NMD3: variants seen among roughly 807,000 people sequenced by gnomAD.
The protein encoded by NMD3 is NMD3 ribosome export adaptor.
In NMD3, 47 loss-of-function variants were observed where a neutral mutation model predicts 73.1. The observed-to-expected ratio is 0.64, with a 90% CI of 0.51 to 0.82. The LOEUF is 0.82. Among genes scored for constraint, NMD3 ranks in the 40% least tolerant of loss-of-function variants. The pLI, the probability that NMD3 is intolerant of heterozygous loss-of-function variation, is 0.00. For synonymous variants in NMD3, 210 were observed against 194.5 expected (o/e 1.08, Z -0.66); for missense variants, 554 against 612.5 (o/e 0.90, Z 1.01).
chr3:161,251,035 T>C lies in NMD3; in HGVS notation c.*125T>C, dbSNP rs1737467966. The C allele has an allele frequency of 5.7e-6, 4 of 696,494 alleles. No individual in the cohort carries two copies. In the South Asian group the frequency reaches 7.2e-5, roughly 13 times the overall value. 43.1% of individuals were successfully genotyped at this position (696,494 alleles called of 1,614,324 possible). A position where few individuals can be genotyped will look rare whatever the true frequency, so the allele number is the denominator to read the frequency against. On this transcript the variant is annotated 3_prime_UTR_variant, in exon 16 of 16. Coordinates refer to ENST00000351193, the MANE Select transcript of NMD3 (RefSeq NM_015938.5). The stretch of plus-strand genomic sequence containing the variant: ...ATTTAGTTTTAAACCTGAATAAACA[T>C]GTTTGTTTTCAGTGCTCACTCAAAC...
At chr3:161,245,013 C>G (rs1445872488) in intron 11 of NMD3, among the ~76,000 whole-genome samples, 4 of 152,084 alleles carry the variant, frequency 2.6e-5, no homozygotes, top group Admixed American at 6.6e-5. Context: ...TCTGGTGCAA[C>G]ACAGCATTCA....
chr3:161,238,471 A>G (rs1275890319), intron 8 of NMD3, among the ~76,000 whole-genome samples: 4 of 152,212 alleles, frequency 2.6e-5, no homozygotes, highest in South Asian at 2.1e-4. Flanking sequence ...TAATAATGCT[A>G]TATAGAAAGT....
At chr3:161,243,926 A>G (rs1737090342) in intron 11 of NMD3, among the ~76,000 whole-genome samples, 1 of 152,158 alleles carries the variant, frequency 6.6e-6, no homozygotes, top group Non-Finnish European at 1.5e-5. Flanking sequence ...ATATGCAAGT[A>G]CTGAGTTCCT....
chr3:161,234,959 G>GCAT, intron 6 of NMD3, 104 bp downstream of exon 6: 1 of 1,186,520 alleles, frequency 8.4e-7, no homozygotes, highest in South Asian at 1.4e-5. Flanking sequence ...GGTCCCTGAA[G>GCAT]CATTCACCTT....
intron 4 of NMD3, among the ~76,000 whole-genome samples, chr3:161,228,323 T>C (rs904328839): frequency 2.6e-5 from 4 of 152,156 alleles, no homozygotes; most frequent in Non-Finnish European, 4.4e-5. Context: ...GGTCACTTTT[T>C]GGCGCTTCTG....
chr3:161,222,286 T>C (rs57916312), intron 2 of NMD3, among the ~76,000 whole-genome samples: 3,585 of 152,272 alleles, frequency 0.024, 63 homozygotes, highest in African/African-American at 0.025. Context: ...TACATCCTTT[T>C]AGATCGGCAC....
chr3:161,249,400 G>T, intron 13 of NMD3, 54 bp from the exon 14 acceptor site: 1 of 1,107,062 alleles, frequency 9.0e-7, no homozygotes, highest in Non-Finnish European at 1.3e-6. Context: ...TGAATTTTGT[G>T]GCCTCACTGT....
intron 3 of NMD3, 85 bp downstream of exon 3, chr3:161,225,149 T>C: frequency 7.2e-7 from 1 of 1,397,300 alleles, no homozygotes; most frequent in Non-Finnish European, 9.7e-7. Context: ...TACACGAAGG[T>C]ATATGGAGTA....
intron 6 of NMD3, 89 bp downstream of exon 6, chr3:161,234,944 G>A (rs558480839): frequency 7.4e-7 from 1 of 1,352,658 alleles, no homozygotes; most frequent in East Asian, 2.3e-5. Context: ...TCCAGGGATA[G>A]TCTGGGTCCC....
At chr3:161,227,992 T>A (rs1736390461) in intron 4 of NMD3, among the ~76,000 whole-genome samples, 1 of 152,180 alleles carries the variant, frequency 6.6e-6, no homozygotes, top group African/African-American at 2.4e-5. Flanking sequence ...ATTTGGTTTC[T>A]TTTTATTGTC....
At chr3:161,237,862 C>T (rs1266988844) in intron 7 of NMD3, among the ~76,000 whole-genome samples, 2 of 151,980 alleles carry the variant, frequency 1.3e-5, no homozygotes, top group Non-Finnish European at 2.9e-5. Context: ...GTTTTTCTGT[C>T]CCCCTTGGCC....
In NMD3 at chr3:161,221,954, T is replaced by TCCCAACATTC. The variant is rs1472777575; in HGVS notation, c.-20-40_-20-39insCCCAACATTC. The stretch of plus-strand genomic sequence containing the variant: ...AGGTAAAGTGATTTAAATCCCAACA[T>TCCCAACATTC]TCTCTTTTTTTTTTTTTTTTTTTTT... On this transcript the variant is annotated intron_variant, in intron 1 of 15. Coordinates refer to ENST00000351193, the MANE Select transcript of NMD3 (RefSeq NM_015938.5). 3.6e-5 allele frequency: 41 copies of TCCCAACATTC among 1,154,416 alleles called. No homozygotes were observed. The Middle Eastern group carries it at 6.8e-4, about 19-fold the overall frequency. The allele number at this position is 1,154,416 out of a possible 1,614,324, so 71.5% of individuals were successfully genotyped here. A position where few individuals can be genotyped will look rare whatever the true frequency, so the allele number is the denominator to read the frequency against.
chr3:161,238,313 A>G (rs986467409), intron 8 of NMD3, 122 bp downstream of exon 8: 4 of 689,886 alleles, frequency 5.8e-6, no homozygotes, highest in Non-Finnish European at 9.9e-6. Flanking sequence ...TACTTACACA[A>G]TCAGGAAGCA....
downstream of NMD3, chr3:161,253,391 TCAGAC>T (rs1294216415): frequency 6.6e-6 from 1 of 152,188 alleles, no homozygotes; most frequent in African/African-American, 2.4e-5. Context: ...ATCCATAATT[TCAGAC>T]TTACAAAATG....
At position 161,246,370 on chromosome 3, in the gene NMD3, C is replaced by A. The variant is rs1211790179; in HGVS notation, c.1052C>A (p.Ser351Tyr). The change falls in exon 12 of 16, where the codon TCT becomes TAT. Residue 351 changes from serine (S) to tyrosine (Y), a missense_variant. Transcript: ENST00000351193. ...TLGEVWVQKT[S>Y]EMNTDKQYFC... The stretch of plus-strand genomic sequence containing the variant: ...GGGGAAGTCTGGGTACAGAAGACAT[C>A]TGAAATGAATACAGATAAACAGTAT... 5 of 1,507,054 alleles carry A rather than the reference C, an allele frequency of 3.3e-6. No homozygotes were observed. The highest frequency in any genetic ancestry group is 3.6e-6 in the Non-Finnish European group (4 of 1,106,576). 93.4% of individuals were successfully genotyped at this position (1,507,054 alleles called of 1,614,324 possible).
rs756771729 is a variant in NMD3, at chr3:161,221,969, TTTTTTTTTTTTTTTTTTTTA to T, written c.-20-24_-20-5del. ...AATCCCAACATTCTCTTTTTTTTTTTTTTTTTTTTTTTTTTTTTTAAAAGAACTTAAGGCATACAGAACGA... is the reference window on the plus strand; with the variant it reads ...AATCCCAACATTCTCTTTTTTTTTTTAAAGAACTTAAGGCATACAGAACGA... On this transcript the variant is annotated splice_region_variant and splice_polypyrimidine_tract_variant and intron_variant, in intron 1 of 15. Transcript: ENST00000351193. 1.0e-4 allele frequency: 39 copies of T among 380,828 alleles called. No homozygotes were observed. Among genetic ancestry groups the T allele is most frequent in the Non-Finnish European group, 1.2e-4 (36 of 303,332 alleles). 23.6% of individuals were successfully genotyped at this position (380,828 alleles called of 1,614,324 possible). A position where few individuals can be genotyped will look rare whatever the true frequency, so the allele number is the denominator to read the frequency against.
chr3:161,225,799 A>G (rs79509214), intron 3 of NMD3, among the ~76,000 whole-genome samples: 2 of 152,084 alleles, frequency 1.3e-5, no homozygotes, highest in Non-Finnish European at 2.9e-5. Flanking sequence ...TCTCTTCCCC[A>G]AAATATTTAC....
intron 4 of NMD3, among the ~76,000 whole-genome samples, chr3:161,231,706 AG>A (rs1736551033): frequency 1.3e-5 from 2 of 152,182 alleles, no homozygotes; most frequent in Non-Finnish European, 2.9e-5. Flanking sequence ...TGCCTGGTCC[AG>A]TGATAGGAAG....
In NMD3 at chr3:161,251,033, C is replaced by G; in HGVS notation, c.*123C>G. 1 of 705,766 alleles carries G rather than the reference C, an allele frequency of 1.4e-6. No homozygotes were observed. Among genetic ancestry groups the G allele is most frequent in the Non-Finnish European group, 2.3e-6 (1 of 440,022 alleles). 43.7% of individuals were successfully genotyped at this position (705,766 alleles called of 1,614,324 possible). A position where few individuals can be genotyped will look rare whatever the true frequency, so the allele number is the denominator to read the frequency against. On this transcript the variant is annotated 3_prime_UTR_variant, in exon 16 of 16. Coordinates refer to ENST00000351193, the MANE Select transcript of NMD3 (RefSeq NM_015938.5). ...AAATTTAGTTTTAAACCTGAATAAA[C>G]ATGTTTGTTTTCAGTGCTCACTCAA...
Sources: gnomAD v4.1 joint callset for allele counts (sites outside exome capture counted in the v4.1 genomes callset) on GRCh38, gnomAD v4.1.1 for gene constraint, MANE v1.5 for transcripts, NCBI Gene and HGNC (gene_info 2026-07-23, HGNC 2026-07-21) for gene names.